Variants in ARFGEF1 observed in about 807,000 individuals in gnomAD.
ARFGEF1 encodes brefeldin A-inhibited guanine nucleotide-exchange protein 1.
A neutral mutation model predicts 231.0 loss-of-function variants in ARFGEF1; 42 were observed. That is an observed-to-expected ratio of 0.18 (90% CI 0.14 to 0.24). The LOEUF (loss-of-function observed/expected upper bound fraction) is 0.24. Ranked by LOEUF, ARFGEF1 falls within the 10% of genes least tolerant of loss-of-function variation. ARFGEF1 has a pLI of 1.00. For missense variants in ARFGEF1, 1,345 were observed against 2,192.0 expected (o/e 0.61, Z 7.72); for synonymous variants, 710 against 732.3 (o/e 0.97, Z 0.49).
chr8:67,339,493 T>A (rs1808500428), intron 1 of ARFGEF1, among the ~76,000 whole-genome samples: 1 of 152,014 alleles, frequency 6.6e-6, no homozygotes, highest in Admixed American at 6.6e-5. Context: ...CTTACTGGAA[T>A]AAGTCCCAAC....
At chr8:67,210,845 G>C (rs1838709932) in intron 34 of ARFGEF1, among the ~76,000 whole-genome samples, 1 of 151,838 alleles carries the variant, frequency 6.6e-6, no homozygotes, top group South Asian at 2.1e-4. Context: ...ATAAGGTCAG[G>C]AGTTTGAGAC....
At chr8:67,225,540 C>T (rs942313740) in intron 28 of ARFGEF1, among the ~76,000 whole-genome samples, 1 of 152,162 alleles carries the variant, frequency 6.6e-6, no homozygotes. Flanking sequence ...AATATGGCAG[C>T]TAGATTTTCA....
intron 10 of ARFGEF1, among the ~76,000 whole-genome samples, chr8:67,268,969 G>C (rs773193169): frequency 3.9e-5 from 6 of 151,928 alleles, no homozygotes; most frequent in Non-Finnish European, 8.8e-5. Flanking sequence ...AAGAGAGAGG[G>C]AAGAAAAAAT....
chr8:67,333,889 G>T (rs567479548), intron 1 of ARFGEF1, among the ~76,000 whole-genome samples: 1 of 152,216 alleles, frequency 6.6e-6, no homozygotes, highest in African/African-American at 2.4e-5. Context: ...TGTAATCCCA[G>T]CACTTTGGGA....
intron 29 of ARFGEF1, among the ~76,000 whole-genome samples, chr8:67,221,870 G>A (rs1226057714): frequency 1.3e-5 from 2 of 150,668 alleles, no homozygotes; most frequent in Non-Finnish European, 3.0e-5. Context: ...CTGGAGTGCA[G>A]TGGCATGATC....
intron 1 of ARFGEF1, among the ~76,000 whole-genome samples, chr8:67,305,876 T>C (rs376693823): frequency 6.6e-6 from 1 of 152,214 alleles, no homozygotes. Flanking sequence ...TTCATGTCTT[T>C]CATGACAAAT....
chr8:67,293,474 C>T (rs75656900), intron 5 of ARFGEF1, among the ~76,000 whole-genome samples: 12 of 152,164 alleles, frequency 7.9e-5, no homozygotes, highest in African/African-American at 2.9e-4. Context: ...AGCAAAACCA[C>T]TGTTTGTGGC....
At chr8:67,311,777 C>T (rs1486045356) in intron 1 of ARFGEF1, among the ~76,000 whole-genome samples, 1 of 152,156 alleles carries the variant, frequency 6.6e-6, no homozygotes, top group Non-Finnish European at 1.5e-5. Flanking sequence ...ATGACAATGG[C>T]GGCTTTGTGG....
intron 32 of ARFGEF1, among the ~76,000 whole-genome samples, chr8:67,217,315 A>C (rs1460016483): frequency 6.6e-6 from 1 of 152,104 alleles, no homozygotes; most frequent in East Asian, 1.9e-4. Context: ...AAAAAAAAAA[A>C]AAAAAACCTA....
At chr8:67,284,359 T>C (rs938641257) in intron 7 of ARFGEF1, among the ~76,000 whole-genome samples, 2 of 152,114 alleles carry the variant, frequency 1.3e-5, no homozygotes, top group Admixed American at 6.6e-5. Context: ...CTAGTGAAAC[T>C]GATTACCTAT....
chr8:67,294,465 C>A (rs939849397), intron 5 of ARFGEF1, among the ~76,000 whole-genome samples: 1 of 151,904 alleles, frequency 6.6e-6, no homozygotes, highest in East Asian at 1.9e-4. Flanking sequence ...AGGCTAAAGA[C>A]AAAAAAACCT....
rs139467654 is a variant in ARFGEF1 at position 67,323,992 on chromosome 8, G to A, written c.124+19172C>T. Among the ~76,000 whole-genome samples, 21 of 152,078 alleles carry A rather than the reference G, an allele frequency of 1.4e-4. 1 individual carries two copies. In the East Asian group the frequency reaches 2.7e-3, roughly 20 times the overall value. On this transcript the variant is annotated intron_variant, in intron 1 of 38. Coordinates refer to ENST00000262215, the MANE Select transcript of ARFGEF1 (RefSeq NM_006421.5). ...ATTTTTTTGTATTTTTACTAGAGAC[G>A]GGGTTTCACCATGTTAGCCAGGATG...
chr8:67,190,039 G>C (rs1835785620), intron 5 of ARFGEF1, among the ~76,000 whole-genome samples: 1 of 152,152 alleles, frequency 6.6e-6, no homozygotes, highest in African/African-American at 2.4e-5. Context: ...AAAATGCAGA[G>C]TAGAGTTAAC....
Position 67,218,144 on chromosome 8 carries a change from G to A in ARFGEF1, c.4339-6C>T. 7.9e-6 allele frequency: 11 copies of A among 1,388,838 alleles called. No homozygotes were observed. The highest frequency in any genetic ancestry group is 1.0e-5 in the Non-Finnish European group (11 of 1,063,008). The allele number at this position is 1,388,838 out of a possible 1,614,324, so 86.0% of individuals were successfully genotyped here. On this transcript the variant is annotated splice_polypyrimidine_tract_variant and splice_region_variant and intron_variant, in intron 30 of 38. Coordinates refer to ENST00000262215, the MANE Select transcript of ARFGEF1 (RefSeq NM_006421.5). The stretch of plus-strand genomic sequence containing the variant: ...GTTGTCATCCATTCAGCTTTCTGGG[G>A]AAAAAAGTCATTAATGAACATCACG...
chr8:67,200,375 G>T (rs1349046524), intron 38 of ARFGEF1, 21 bp downstream of exon 38: 1 of 1,491,402 alleles, frequency 6.7e-7, no homozygotes, highest in Non-Finnish European at 9.4e-7. Flanking sequence ...TGTGGGGCTG[G>T]ATTCGAAGCC....
intron 19 of ARFGEF1, among the ~76,000 whole-genome samples, chr8:67,243,340 G>A (rs1008441275): frequency 3.3e-5 from 5 of 152,186 alleles, no homozygotes; most frequent in African/African-American, 1.2e-4. Flanking sequence ...GTGGCTGAGA[G>A]GCCTCACAAT....
intron 34 of ARFGEF1, among the ~76,000 whole-genome samples, chr8:67,210,128 C>A (rs1838675258): frequency 7.2e-6 from 1 of 139,096 alleles, no homozygotes; most frequent in African/African-American, 2.8e-5. Context: ...ATACTCCAGC[C>A]TGGGTGACAG....
Position 67,216,567 on chromosome 8 carries a change from A to T in ARFGEF1, c.4686+23T>A, listed in dbSNP as rs758365043. The T allele has an allele frequency of 3.8e-6, 6 of 1,581,238 alleles. No homozygotes were observed. The South Asian group carries it at 7.0e-5, about 18-fold the overall frequency. On this transcript the variant is annotated intron_variant, in intron 33 of 38. Coordinates refer to ENST00000262215, the MANE Select transcript of ARFGEF1 (RefSeq NM_006421.5). ...CTCATCACAAATAACTAATTTCAAT[A>T]TACTTTACTGATTAAAACTTACCAA...
chr8:67,225,935 T>C, intron 28 of ARFGEF1, 88 bp downstream of exon 28: 5 of 1,302,590 alleles, frequency 3.8e-6, no homozygotes, highest in Non-Finnish European at 5.2e-6. Flanking sequence ...AAATAAATGC[T>C]TCATATACCC....
Sources: allele counts gnomAD v4.1 joint callset (sites outside exome capture counted in the v4.1 genomes callset), GRCh38; gene constraint gnomAD v4.1.1; transcripts MANE v1.5; gene names NCBI Gene and HGNC (gene_info 2026-07-23, HGNC 2026-07-21).